CDC42BPA: variants seen among roughly 807,000 people sequenced by gnomAD.
The protein encoded by CDC42BPA is CDC42 binding protein kinase alpha, also known as serine/threonine-protein kinase MRCK alpha.
CDC42BPA carries 80 observed loss-of-function variants against 223.5 expected under a neutral mutation model. The ratio of observed to expected loss-of-function variants is 0.36; its 90% CI spans 0.30 to 0.43. CDC42BPA has a LOEUF of 0.43. CDC42BPA is among the 20% of genes least tolerant of loss of function. CDC42BPA has a pLI of 1.00. For synonymous variants in CDC42BPA, 694 were observed against 718.6 expected, an observed-to-expected ratio of 0.97 and a Z score of 0.55; for missense variants, 1,743 against 2,099.9, an observed-to-expected ratio of 0.83 and a Z score of 3.32.
Position 227,129,666 on chromosome 1 carries a change from C to CAAAAAAAAAAAAAAAAAAA in CDC42BPA, c.1391-454_1391-436dup, listed in dbSNP as rs569879499. On this transcript the variant is annotated intron_variant, in intron 10 of 36. Coordinates refer to ENST00000366766, the MANE Select transcript of CDC42BPA (RefSeq NM_001394014.1). ...TGGGAGACAAAGTGAGACTGTATCT[C>CAAAAAAAAAAAAAAAAAAA]AAAAAAAAAAAAAAAAAAAAAAAAA... is the stretch of plus-strand genomic sequence containing the variant. Among the ~76,000 whole-genome samples the CAAAAAAAAAAAAAAAAAAA allele has an allele frequency of 8.3e-4, 28 of 33,918 alleles. 2 individuals are homozygous for CAAAAAAAAAAAAAAAAAAA. The highest frequency in any genetic ancestry group is 2.0e-3 in the South Asian group (1 of 492). 22.3% of individuals were successfully genotyped at this position (33,918 alleles called of 152,430 possible). A position where few individuals can be genotyped will look rare whatever the true frequency, so the allele number is the denominator to read the frequency against.
intron 12 of CDC42BPA, among the ~76,000 whole-genome samples, chr1:227,115,824 C>G (rs1687688243): frequency 6.6e-6 from 1 of 151,366 alleles, no homozygotes; most frequent in Admixed American, 6.6e-5. Flanking sequence ...TGCAATTCAA[C>G]TCTTTCTATG....
Position 227,031,438 on chromosome 1 carries a change from T to C in CDC42BPA, c.3635A>G (p.Asn1212Ser), listed in dbSNP as rs1282754060. The C allele has an allele frequency of 2.5e-6, 4 of 1,613,998 alleles. No individual in the cohort carries two copies. The highest frequency in any genetic ancestry group is 3.3e-5 in the Admixed American group (2 of 60,004). The change falls in exon 28 of 37, where the codon AAT (asparagine) becomes AGT (serine). Residue 1212 changes from asparagine (N) to serine (S), a missense_variant. Asn to Ser is a conservative substitution (Grantham distance 46). Around this residue, in one of 6 missense-constraint regions of CDC42BPA, gnomAD observed 678 missense variants for 777.5 expected, o/e 0.87. Coordinates refer to ENST00000366766, the MANE Select transcript of CDC42BPA (RefSeq NM_001394014.1). Reference sequence around the variant, plus strand: ...TTCACTCAGCACTCCCACCCACTTATTCTTCTCATTCTCAGTGTCTGCTAG... The same window carrying C: ...TTCACTCAGCACTCCCACCCACTTACTCTTCTCATTCTCAGTGTCTGCTAG... Reference protein sequence around the residue: ...LMLADTENEKNKWVGVLSELH... With the variant: ...LMLADTENEKSKWVGVLSELH...
At chr1:227,226,475 GAAAGTATC>G (rs1676886080) in intron 2 of CDC42BPA, among the ~76,000 whole-genome samples, 1 of 152,090 alleles carries the variant, frequency 6.6e-6, no homozygotes, top group African/African-American at 2.4e-5. Flanking sequence ...TCCATAGATG[GAAAGTATC>G]AAAACTTCCA....
At chr1:227,136,984 A>G (rs186655826) in intron 10 of CDC42BPA, among the ~76,000 whole-genome samples, 46 of 152,260 alleles carry the variant, frequency 3.0e-4, no homozygotes, top group Admixed American at 2.0e-3. Context: ...GGGTAAATAT[A>G]TGGGTAAATA....
chr1:227,157,431 C>T lies in CDC42BPA; in HGVS notation c.693+3112G>A, dbSNP rs982675045. Among the ~76,000 whole-genome samples the T allele has an allele frequency of 4.6e-5, 7 of 152,168 alleles. No homozygotes were observed. In the East Asian group the frequency reaches 1.3e-3, roughly 29 times the overall value. On this transcript the variant is annotated intron_variant, in intron 6 of 36. Coordinates refer to ENST00000366766, the MANE Select transcript of CDC42BPA (RefSeq NM_001394014.1). Reference sequence around the variant, plus strand: ...CCTTCAGCACTTTAAAGACATCACTCCATGATTTCTCATGACAGGTCAGTA... The same window carrying T: ...CCTTCAGCACTTTAAAGACATCACTTCATGATTTCTCATGACAGGTCAGTA...
At chr1:227,054,229 A>G (rs1387007389) in intron 21 of CDC42BPA, among the ~76,000 whole-genome samples, 1 of 152,224 alleles carries the variant, frequency 6.6e-6, no homozygotes, top group Non-Finnish European at 1.5e-5. Flanking sequence ...TAGCTGATAT[A>G]ACGGCTTTGT....
chr1:227,175,092 G>A (rs1451894212), intron 5 of CDC42BPA, among the ~76,000 whole-genome samples: 1 of 152,082 alleles, frequency 6.6e-6, no homozygotes, highest in East Asian at 1.9e-4. Flanking sequence ...ACACAGTGAA[G>A]ATGAAAGGAA....
intron 11 of CDC42BPA, among the ~76,000 whole-genome samples, chr1:227,125,695 T>C (rs909099257): frequency 6.6e-6 from 1 of 151,132 alleles, no homozygotes; most frequent in Admixed American, 6.6e-5. Context: ...ACATTGTCAG[T>C]AGAAACCACA....
At chr1:227,250,881 G>A (rs569044044) in intron 2 of CDC42BPA, among the ~76,000 whole-genome samples, 3 of 151,778 alleles carry the variant, frequency 2.0e-5, no homozygotes, top group African/African-American at 7.3e-5. Flanking sequence ...GGAAAACCCC[G>A]TCACTACAAG....
chr1:227,068,866 GATTC>G (rs1160320296), intron 21 of CDC42BPA: 3 of 181,594 alleles, frequency 1.7e-5, no homozygotes, highest in African/African-American at 4.8e-5. Flanking sequence ...AAACTTAAGA[GATTC>G]ATTAATTACT....
At chr1:227,090,269 T>C (rs1682829605) in intron 16 of CDC42BPA, among the ~76,000 whole-genome samples, 1 of 152,194 alleles carries the variant, frequency 6.6e-6, no homozygotes, top group South Asian at 2.1e-4. Flanking sequence ...ATGTTTTAAA[T>C]ACTTATTTAG....
intron 6 of CDC42BPA, among the ~76,000 whole-genome samples, chr1:227,154,092 T>A (rs930547783): frequency 3.9e-5 from 6 of 151,914 alleles, no homozygotes; most frequent in Non-Finnish European, 8.8e-5. Flanking sequence ...CTTGATAAAG[T>A]CATATTTACT....
intron 9 of CDC42BPA, among the ~76,000 whole-genome samples, chr1:227,141,921 A>G (rs573443450): frequency 4.6e-5 from 7 of 152,262 alleles, no homozygotes; most frequent in African/African-American, 1.7e-4. Flanking sequence ...GTGAGCTAGG[A>G]CTGCACCACT....
In CDC42BPA at chr1:227,296,652, G is replaced by A. The variant is rs182607111; in HGVS notation, c.178+20353C>T. ...ACTCAGGAGGCGGAGGATGCAGAGAGCCGACATTGTGCCACTGCACTCCAG... is the reference window on the plus strand; with the variant it reads ...ACTCAGGAGGCGGAGGATGCAGAGAACCGACATTGTGCCACTGCACTCCAG... On this transcript the variant is annotated intron_variant, in intron 1 of 36. Coordinates refer to ENST00000366766, the MANE Select transcript of CDC42BPA (RefSeq NM_001394014.1). 1.9e-3 allele frequency among the ~76,000 whole-genome samples: 287 copies of A among 148,280 alleles called. 2 individuals carry two copies. The highest frequency in any genetic ancestry group is 2.9e-3 in the Admixed American group (43 of 14,648).
At chr1:227,039,959 T>C (rs1207444089) in intron 24 of CDC42BPA, among the ~76,000 whole-genome samples, 172 bp downstream of exon 24, 1 of 152,122 alleles carries the variant, frequency 6.6e-6, no homozygotes, top group Admixed American at 6.5e-5. Context: ...CCCTGAAAAA[T>C]ATGTCTAGTT....
intron 1 of CDC42BPA, among the ~76,000 whole-genome samples, chr1:227,298,250 C>T (rs1329287918): frequency 6.6e-6 from 1 of 151,720 alleles, no homozygotes; most frequent in African/African-American, 2.4e-5. Context: ...AGTTAAAGCA[C>T]ATCCAAGAAA....
In CDC42BPA at chr1:226,993,632, T is replaced by C. The variant is rs1397510736; in HGVS notation, c.*636A>G. The C allele has an allele frequency of 6.5e-6, 1 of 152,690 alleles. No homozygotes were observed. Among genetic ancestry groups the C allele is most frequent in the Non-Finnish European group, 1.5e-5 (1 of 68,058 alleles). 9.5% of individuals were successfully genotyped at this position (152,690 alleles called of 1,614,324 possible). ...TACAGACAAGAAACAACATATTTCT[T>C]TAAATTAAATCATCTCTCTTATATA... On this transcript the variant is annotated 3_prime_UTR_variant, in exon 37 of 37. Transcript: ENST00000366766.
At chr1:227,312,896 G>A (rs1249516539) in intron 1 of CDC42BPA, among the ~76,000 whole-genome samples, 1 of 152,020 alleles carries the variant, frequency 6.6e-6, no homozygotes, top group Non-Finnish European at 1.5e-5. Context: ...TGCAGGACGG[G>A]GTCGGCTTCT....
chr1:227,049,297 A>C (rs2148851640), intron 22 of CDC42BPA, among the ~76,000 whole-genome samples: 1 of 152,196 alleles, frequency 6.6e-6, no homozygotes, highest in South Asian at 2.1e-4. Context: ...GGCAATGCAC[A>C]GTAAGAAAAT....
Sources: gnomAD v4.1 joint callset for allele counts (sites outside exome capture counted in the v4.1 genomes callset) on GRCh38, gnomAD v4.1.1 for gene constraint, gnomAD v4.1.1 regional missense constraint, MANE v1.5 for transcripts, NCBI Gene and HGNC (gene_info 2026-07-23, HGNC 2026-07-21) for gene names.